The following NCKAP5 variants were observed in gnomAD, a reference collection of about 807,000 sequenced individuals.
NCKAP5 encodes nck-associated protein 5.
NCKAP5 carries 92 observed loss-of-function variants against 167.0 expected under a neutral mutation model. The ratio of observed to expected loss-of-function variants is 0.55; its 90% CI spans 0.47 to 0.66. The LOEUF (loss-of-function observed/expected upper bound fraction) is 0.66, where lower values mean the gene tolerates loss of function less well. NCKAP5 is among the 30% of genes least tolerant of loss of function. NCKAP5 has a pLI of 0.00. For synonymous variants in NCKAP5, 891 were observed against 877.4 expected (o/e 1.02, Z -0.27); for missense variants, 2,378 against 2,315.0 (o/e 1.03, Z -0.56).
chr2:133,502,613 G>T (rs1290791162), intron 3 of NCKAP5, among the ~76,000 whole-genome samples: 6 of 152,086 alleles, frequency 3.9e-5, no homozygotes, highest in Non-Finnish European at 7.4e-5. Flanking sequence ...TTCATAAAAG[G>T]TCAAAGCAGA....
rs560451821 is a variant in NCKAP5, at chr2:133,190,315, G to A, written c.207+23401C>T. On this transcript the variant is annotated intron_variant, in intron 5 of 19. Coordinates refer to ENST00000409261, the MANE Select transcript of NCKAP5 (RefSeq NM_207363.3). ...GAAGAACATTCCATGTTCATGGATA[G>A]GAAGAATCAATATCCTGAAAATGGC... 3.9e-5 allele frequency among the ~76,000 whole-genome samples: 6 copies of A among 152,264 alleles called. No homozygotes were observed. In the South Asian group the frequency reaches 1.2e-3, roughly 32 times the overall value.
intron 1 of NCKAP5, among the ~76,000 whole-genome samples, chr2:133,567,486 A>G (rs1296978249): frequency 1.3e-5 from 2 of 152,252 alleles, no homozygotes; most frequent in Non-Finnish European, 2.9e-5. Context: ...GATCTAGCTC[A>G]GTGTCAAAGT....
At chr2:133,507,642 T>C (rs926145302) in intron 3 of NCKAP5, among the ~76,000 whole-genome samples, 1 of 152,160 alleles carries the variant, frequency 6.6e-6, no homozygotes, top group Non-Finnish European at 1.5e-5. Flanking sequence ...AAAATTAGTG[T>C]ATAAAAGGAC....
chr2:133,241,776 G>A (rs945491924), intron 4 of NCKAP5, among the ~76,000 whole-genome samples: 1 of 152,128 alleles, frequency 6.6e-6, no homozygotes, highest in African/African-American at 2.4e-5. Context: ...TCAGATATAT[G>A]AATTTCAGAA....
chr2:133,179,034 G>A (rs746416037), intron 5 of NCKAP5, among the ~76,000 whole-genome samples: 2 of 151,996 alleles, frequency 1.3e-5, no homozygotes, highest in African/African-American at 4.8e-5. Context: ...TGAGCTTGGT[G>A]GTGTCAGCAT....
chr2:133,596,985 C>A, the NCKAP5 span, among the ~76,000 whole-genome samples: 1 of 152,226 alleles, frequency 6.6e-6, no homozygotes, highest in African/African-American at 2.4e-5. Flanking sequence ...AGACAGAAGT[C>A]TACTGACAAA....
intron 6 of NCKAP5, among the ~76,000 whole-genome samples, chr2:133,058,848 A>C (rs540298673): frequency 6.6e-6 from 1 of 152,216 alleles, no homozygotes; most frequent in African/African-American, 2.4e-5. Flanking sequence ...CTATAGAGAA[A>C]TATTTTATAA....
intron 13 of NCKAP5, among the ~76,000 whole-genome samples, chr2:132,788,563 G>A (rs1574221274): frequency 6.6e-6 from 1 of 152,064 alleles, no homozygotes; most frequent in South Asian, 2.1e-4. Flanking sequence ...GGGAGAATAG[G>A]AGAGCCTACT....
chr2:133,184,694 G>T (rs2084871882), intron 5 of NCKAP5, among the ~76,000 whole-genome samples: 1 of 152,100 alleles, frequency 6.6e-6, no homozygotes, highest in East Asian at 1.9e-4. Context: ...CTGTGGTTTT[G>T]ACTTGCATTT....
At chr2:133,430,109 T>G (rs531054451) in intron 3 of NCKAP5, among the ~76,000 whole-genome samples, 99 of 152,292 alleles carry the variant, frequency 6.5e-4, no homozygotes, top group African/African-American at 2.3e-3. Flanking sequence ...GTCGGCTGCT[T>G]CTATGTCTTG....
At chr2:133,211,630 T>A (rs1161405931) in intron 5 of NCKAP5, among the ~76,000 whole-genome samples, 1 of 152,224 alleles carries the variant, frequency 6.6e-6, no homozygotes, top group Non-Finnish European at 1.5e-5. Flanking sequence ...ATCACTAGAC[T>A]GTAAGCTGTC....
intron 5 of NCKAP5, among the ~76,000 whole-genome samples, chr2:133,162,570 T>C (rs1231785474): frequency 6.6e-6 from 1 of 152,236 alleles, no homozygotes; most frequent in Non-Finnish European, 1.5e-5. Context: ...CCCTAAATTC[T>C]TTCATGAACA....
At chr2:133,096,042 T>C (rs2081335359) in intron 6 of NCKAP5, among the ~76,000 whole-genome samples, 1 of 152,168 alleles carries the variant, frequency 6.6e-6, no homozygotes, top group African/African-American at 2.4e-5. Flanking sequence ...CACAGACTGA[T>C]TCCTATCAGT....
At position 132,920,710 on chromosome 2, in the gene NCKAP5, TATATA is replaced by T. The variant is rs1558942622; in HGVS notation, c.580-41799_580-41795del. Among the ~76,000 whole-genome samples the T allele has an allele frequency of 2.6e-3, 251 of 97,220 alleles. 12 individuals are homozygous for T. The highest frequency in any genetic ancestry group is 0.011 in the African/African-American group (225 of 20,560). 63.8% of individuals were successfully genotyped at this position (97,220 alleles called of 152,430 possible). On this transcript the variant is annotated intron_variant, in intron 8 of 19. Coordinates refer to ENST00000409261, the MANE Select transcript of NCKAP5 (RefSeq NM_207363.3). ...GTTTATATATATATATACGTATATG[TATATA>T]TATGTATATATATATATGTATATAT...
chr2:133,649,326 CT>C, the NCKAP5 span, among the ~76,000 whole-genome samples: 1 of 151,372 alleles, frequency 6.6e-6, no homozygotes, highest in Non-Finnish European at 1.5e-5. Flanking sequence ...TAATTCCAAA[CT>C]TTCTCAAACT....
chr2:132,744,323 A>G (rs1048753540), intron 16 of NCKAP5, among the ~76,000 whole-genome samples: 4 of 151,748 alleles, frequency 2.6e-5, no homozygotes, highest in African/African-American at 9.7e-5. Flanking sequence ...CATGGAAAAT[A>G]TGTTCTCTGA....
Position 132,728,809 on chromosome 2 carries a change from C to G in NCKAP5, c.5580+7G>C. Reference sequence around the variant, plus strand: ...GATTGCACCCTTCACCTCCCCCGACCCCTCACCTGGGTCCCGGTGGCAGCA... The same window carrying G: ...GATTGCACCCTTCACCTCCCCCGACGCCTCACCTGGGTCCCGGTGGCAGCA... On this transcript the variant is annotated splice_region_variant and intron_variant, in intron 18 of 19. Transcript: ENST00000409261. The G allele has an allele frequency of 6.2e-7, 1 of 1,613,654 alleles. No individual in the cohort carries two copies. The highest frequency in any genetic ancestry group is 8.5e-7 in the Non-Finnish European group (1 of 1,179,776).
At chr2:133,528,167 G>T (rs1685076161) in intron 2 of NCKAP5, among the ~76,000 whole-genome samples, 1 of 152,034 alleles carries the variant, frequency 6.6e-6, no homozygotes, top group African/African-American at 2.4e-5. Context: ...ACACATATAT[G>T]TGTGTATACA....
chr2:133,634,815 G>T, the NCKAP5 span, among the ~76,000 whole-genome samples: 2 of 151,368 alleles, frequency 1.3e-5, no homozygotes, highest in East Asian at 1.9e-4. Flanking sequence ...ATTATTCATT[G>T]TTCATCTGAA....
Sources: allele counts gnomAD v4.1 joint callset (sites outside exome capture counted in the v4.1 genomes callset), GRCh38; gene constraint gnomAD v4.1.1; transcripts MANE v1.5; gene names NCBI Gene and HGNC (gene_info 2026-07-23, HGNC 2026-07-21).